Variants in FBXW4 observed in about 807,000 individuals in gnomAD.
FBXW4 encodes F-box/WD repeat-containing protein 4.
Under a neutral mutation model 61.8 loss-of-function variants are expected in FBXW4, and 40 were observed. The ratio of observed to expected loss-of-function variants is 0.65; its 90% CI spans 0.50 to 0.84. The LOEUF is 0.84. Among genes scored for constraint, FBXW4 ranks in the 40% least tolerant of loss-of-function variants. The pLI, the probability that FBXW4 is intolerant of heterozygous loss-of-function variation, is 0.00. For synonymous variants in FBXW4, 311 were observed against 313.8 expected (o/e 0.99, Z 0.10); for missense variants, 672 against 753.8 (o/e 0.89, Z 1.27).
At chr10:101,613,143 CCCCCACCCTCA>C (rs1263444063) in intron 6 of FBXW4, 2 of 152,248 alleles carry the variant, frequency 1.3e-5, no homozygotes, top group African/African-American at 4.8e-5. Flanking sequence ...CAGCCTGCTC[CCCCCACCCTCA>C]CCCCACCCGG....
chr10:101,645,576 G>A (rs1179717138), intron 5 of FBXW4, among the ~76,000 whole-genome samples: 1 of 152,218 alleles, frequency 6.6e-6, no homozygotes, highest in African/African-American at 2.4e-5. Flanking sequence ...GGCAATCCCT[G>A]AGCGGGGAAC....
chr10:101,624,450 T>C (rs1267040561), intron 6 of FBXW4, among the ~76,000 whole-genome samples: 2 of 152,238 alleles, frequency 1.3e-5, no homozygotes, highest in Non-Finnish European at 2.9e-5. Context: ...TGGGGATAGA[T>C]GGGATTTTAT....
chr10:101,620,457 A>T (rs2063859059), intron 6 of FBXW4, among the ~76,000 whole-genome samples: 1 of 152,130 alleles, frequency 6.6e-6, no homozygotes, highest in African/African-American at 2.4e-5. Flanking sequence ...GACAGGACAG[A>T]TGTTTAAACA....
At chr10:101,676,947 T>C (rs2064417000) in intron 1 of FBXW4, among the ~76,000 whole-genome samples, 1 of 152,000 alleles carries the variant, frequency 6.6e-6, no homozygotes, top group Non-Finnish European at 1.5e-5. Flanking sequence ...ATCCAAAACA[T>C]CTGCTCACCA....
chr10:101,612,415 A>G lies in FBXW4; in HGVS notation c.1364T>C (p.Met455Thr), dbSNP rs373820445. 8.8e-6 allele frequency: 14 copies of G among 1,599,144 alleles called. No homozygotes were observed. The highest frequency in any genetic ancestry group is 1.7e-5 in the Admixed American group (1 of 58,568). The change falls in exon 7 of 9, where the codon ATG becomes ACG. Residue 455 changes from methionine to threonine, a missense_variant. Physicochemically the swap from Met to Thr is moderately conservative, Grantham distance 81. Transcript: ENST00000331272. ...FPPGAGVLDV[M>T]YESPFTLLSC... ...CAGCAGTGTGAAAGGGGACTCATAC[A>G]TGACATCCAGCACCCCAGCCCCTGG...
intron 1 of FBXW4, among the ~76,000 whole-genome samples, chr10:101,692,316 A>AAT (rs572021169): frequency 3.3e-5 from 5 of 150,390 alleles, no homozygotes; most frequent in African/African-American, 4.9e-5. Context: ...TATTATATAT[A>AAT]ATATATATAT....
At chr10:101,668,893 G>C (rs1477633088) in intron 4 of FBXW4, among the ~76,000 whole-genome samples, 1 of 152,190 alleles carries the variant, frequency 6.6e-6, no homozygotes, top group Non-Finnish European at 1.5e-5. Context: ...AGCAGCAACA[G>C]AGGGATCCAG....
intron 5 of FBXW4, among the ~76,000 whole-genome samples, chr10:101,658,078 T>C (rs1258665106): frequency 6.6e-6 from 1 of 152,180 alleles, no homozygotes; most frequent in Non-Finnish European, 1.5e-5. Flanking sequence ...GAAACTGTCA[T>C]GGGCAACAGA....
intron 1 of FBXW4, among the ~76,000 whole-genome samples, chr10:101,682,199 G>C (rs1412125317): frequency 1.3e-5 from 2 of 152,146 alleles, no homozygotes; most frequent in Admixed American, 1.3e-4. Context: ...ATAACTATTA[G>C]AAATTGTTCC....
rs1434163110 is a variant in FBXW4 at position 101,611,324 on chromosome 10, G to GT, written c.1670dup (p.Tyr557Ter). Residue 557 changes from tyrosine (Y) to a stop codon, truncating the protein, a stop_gained and frameshift_variant, in exon 9 of 9, where the codon TAC (tyrosine) becomes TAAC (stop). Transcript: ENST00000331272. LOFTEE classifies it high-confidence loss of function. This position sits in a 1 kb window ranked among gnomAD's most constrained non-coding sequence, Gnocchi z 4.9. ...TTTGAAAATCCAGGACGTGGAGGTT[G>GT]TAAGACAGGGCAGCATAGAGATGCT... ...TTKHLYAALS[Y>*]NLHVLDFQNP 1 of 1,614,120 alleles carries GT rather than the reference G, an allele frequency of 6.2e-7. No homozygotes were observed. Among genetic ancestry groups the GT allele is most frequent in the Non-Finnish European group, 8.5e-7 (1 of 1,180,006 alleles).
intron 5 of FBXW4, 78 bp from the exon 6 acceptor site, chr10:101,624,888 CG>C: frequency 6.8e-7 from 1 of 1,475,102 alleles, no homozygotes; most frequent in Non-Finnish European, 9.5e-7. Context: ...TGGGAAATGC[CG>C]TGCTCATTCC....
intron 4 of FBXW4, among the ~76,000 whole-genome samples, chr10:101,671,710 A>T (rs1234249633): frequency 6.6e-6 from 1 of 152,216 alleles, no homozygotes; most frequent in Non-Finnish European, 1.5e-5. Context: ...GAGCAGTATA[A>T]CAGGTTTAGG....
chr10:101,632,337 GC>G (rs2134829743), intron 5 of FBXW4, among the ~76,000 whole-genome samples: 1 of 152,224 alleles, frequency 6.6e-6, no homozygotes, highest in African/African-American at 2.4e-5. Context: ...CTTGCTCCCT[GC>G]CCCCCAACTG....
chr10:101,670,065 A>G (rs1012560790), intron 4 of FBXW4, among the ~76,000 whole-genome samples: 3 of 152,206 alleles, frequency 2.0e-5, no homozygotes, highest in Middle Eastern at 3.4e-3. Flanking sequence ...GGGAGTGGAC[A>G]TTTATACAGT....
chr10:101,662,044 C>G (rs1036174526), intron 5 of FBXW4, among the ~76,000 whole-genome samples: 3 of 152,180 alleles, frequency 2.0e-5, no homozygotes, highest in Non-Finnish European at 4.4e-5. Context: ...GTTATGAAGT[C>G]CAGGGCCAAA....
At chr10:101,669,271 T>C (rs1418236765) in intron 4 of FBXW4, among the ~76,000 whole-genome samples, 2 of 152,200 alleles carry the variant, frequency 1.3e-5, no homozygotes. Context: ...TCTGGCCTAC[T>C]CTTTGGACTC....
At chr10:101,633,673 T>C (rs912754361) in intron 5 of FBXW4, among the ~76,000 whole-genome samples, 1 of 151,868 alleles carries the variant, frequency 6.6e-6, no homozygotes, top group Non-Finnish European at 1.5e-5. Context: ...TAGTTATTAT[T>C]ATATACCAGC....
intron 5 of FBXW4, among the ~76,000 whole-genome samples, chr10:101,636,327 C>A (rs1292789072): frequency 6.6e-6 from 1 of 150,478 alleles, no homozygotes; most frequent in Non-Finnish European, 1.5e-5. Flanking sequence ...CACTGCACTC[C>A]AGCCTGGGTG....
intron 1 of FBXW4, among the ~76,000 whole-genome samples, chr10:101,685,029 A>C (rs2064520668): frequency 1.3e-5 from 2 of 152,122 alleles, no homozygotes; most frequent in African/African-American, 4.8e-5. Flanking sequence ...CATGCTTCAC[A>C]CTATGCAACT....
Sources: gnomAD v4.1 joint callset for allele counts (sites outside exome capture counted in the v4.1 genomes callset) on GRCh38, gnomAD v4.1.1 for gene constraint, Gnocchi (gnomAD v3.1) non-coding constraint, MANE v1.5 for transcripts, NCBI Gene and HGNC (gene_info 2026-07-23, HGNC 2026-07-21) for gene names.